RIOK3: variants seen among roughly 807,000 people sequenced by gnomAD.
The protein encoded by RIOK3 is serine/threonine-protein kinase RIO3.
RIOK3 carries 40 observed loss-of-function variants against 63.5 expected under a neutral mutation model. The ratio of observed to expected loss-of-function variants is 0.63; its 90% CI spans 0.49 to 0.82. RIOK3 has a LOEUF of 0.82. Among genes scored for constraint, RIOK3 ranks in the 40% least tolerant of loss-of-function variants. RIOK3 has a pLI of 0.00. For missense variants in RIOK3, 557 were observed against 637.0 expected, an observed-to-expected ratio of 0.87 and a Z score of 1.35; for synonymous variants, 193 against 205.0, an observed-to-expected ratio of 0.94 and a Z score of 0.50.
At position 23,466,152 on chromosome 18, in the gene RIOK3, T is replaced by C. The variant is rs2057405563; in HGVS notation, c.563T>C (p.Val188Ala). Reference protein sequence around the residue: ...RMENFAPEFQVGDGIGMDLKL... With the variant: ...RMENFAPEFQAGDGIGMDLKL... ...TGGCAGTTTGCACCTGAGTTTCAGGTAGGAGATGGAATTGGAATGGATTTA... is the reference window on the plus strand; with the variant it reads ...TGGCAGTTTGCACCTGAGTTTCAGGCAGGAGATGGAATTGGAATGGATTTA... The change falls in exon 6 of 13, where the codon GTA becomes GCA. Residue 188 changes from valine (V) to alanine (A), a missense_variant. Around this residue, in one of 3 missense-constraint regions of RIOK3, gnomAD observed 243 missense variants for 275.4 expected, o/e 0.88. Coordinates refer to ENST00000339486, the MANE Select transcript of RIOK3 (RefSeq NM_003831.5). The C allele has an allele frequency of 1.3e-6, 2 of 1,599,164 alleles. No individual in the cohort carries two copies. Among genetic ancestry groups the C allele is most frequent in the Non-Finnish European group, 1.7e-6 (2 of 1,174,710 alleles).
Position 23,464,531 on chromosome 18 carries a change from C to T in RIOK3, c.446C>T (p.Pro149Leu). Residue 149 changes from proline to leucine, a missense_variant, in exon 5 of 13, where the codon CCC becomes CTC. Around this residue, in one of 3 missense-constraint regions of RIOK3, gnomAD observed 243 missense variants for 275.4 expected, o/e 0.88. Coordinates refer to ENST00000339486, the MANE Select transcript of RIOK3 (RefSeq NM_003831.5). ...DDPYRPAKPV[P>L]TPKKGFIGKG... The stretch of plus-strand genomic sequence containing the variant: ...CAATTGCCTTTAGCAAAACCGGTTC[C>T]CACTCCTAAAAAGGGCTTTATTGGA... 1 of 1,600,346 alleles carries T rather than the reference C, an allele frequency of 6.2e-7. No homozygotes were observed. The highest frequency in any genetic ancestry group is 8.5e-7 in the Non-Finnish European group (1 of 1,175,396).
intron 1 of RIOK3, among the ~76,000 whole-genome samples, chr18:23,459,702 G>A (rs1043613197): frequency 2.0e-5 from 3 of 152,106 alleles, no homozygotes; most frequent in African/African-American, 7.2e-5. Context: ...AGACAGTCTC[G>A]CTCTGTCACC....
intron 1 of RIOK3, among the ~76,000 whole-genome samples, chr18:23,455,243 C>G (rs563608184): frequency 1.3e-5 from 2 of 151,360 alleles, no homozygotes; most frequent in South Asian, 4.2e-4. Context: ...AGCTGATTTT[C>G]GTATTTTTTT....
chr18:23,475,776 G>C (rs1346728324), intron 9 of RIOK3, among the ~76,000 whole-genome samples: 2 of 152,118 alleles, frequency 1.3e-5, no homozygotes, highest in Admixed American at 6.6e-5. Flanking sequence ...AATAGTTTTA[G>C]AAAACTTACA....
chr18:23,476,932 A>C, intron 9 of RIOK3, 74 bp from the exon 10 acceptor site: 5 of 1,291,322 alleles, frequency 3.9e-6, no homozygotes, highest in Non-Finnish European at 5.5e-6. Flanking sequence ...AAAAATAAAA[A>C]ACTTTCAGGG....
In RIOK3 at chr18:23,477,287, A is replaced by G. The variant is rs750788412; in HGVS notation, c.1344+19A>G. On this transcript the variant is annotated intron_variant, in intron 11 of 12. Coordinates refer to ENST00000339486, the MANE Select transcript of RIOK3 (RefSeq NM_003831.5). ...CTCGCAGGTAGACGTGTAAACCAAT[A>G]TGCCTTTTTTTGTTGGATGTAACAG... 3.1e-6 allele frequency: 5 copies of G among 1,594,766 alleles called. No individual in the cohort carries two copies. The East Asian group carries it at 1.1e-4, about 36-fold the overall frequency.
intron 1 of RIOK3, among the ~76,000 whole-genome samples, chr18:23,462,377 G>T (rs2057377836): frequency 6.6e-6 from 1 of 152,128 alleles, no homozygotes; most frequent in African/African-American, 2.4e-5. Flanking sequence ...CTGACCTCAG[G>T]TTATCCACCC....
rs1055391912 is a variant in RIOK3, at chr18:23,477,295, T to C, written c.1344+27T>C. 32 of 1,542,788 alleles carry C rather than the reference T, an allele frequency of 2.1e-5. No homozygotes were observed. In the Admixed American group the frequency reaches 4.7e-4, roughly 23 times the overall value. On this transcript the variant is annotated intron_variant, in intron 11 of 12. Coordinates refer to ENST00000339486, the MANE Select transcript of RIOK3 (RefSeq NM_003831.5). ...TAGACGTGTAAACCAATATGCCTTT[T>C]TTTGTTGGATGTAACAGCTGCAGGT...
Position 23,467,511 on chromosome 18 carries a change from A to C in RIOK3, c.800A>C (p.His267Pro), listed in dbSNP as rs1393066392. ...ISTGKESVVF[H>P]AYGGSMEDEK... ...ACAGGAAAGGAGTCTGTTGTCTTTC[A>C]TGCATATGGAGGGAGGTAAATGAGC... Residue 267 changes from histidine (H) to proline (P), a missense_variant, in exon 7 of 13, where the codon CAT becomes CCT. This residue lies in a region of RIOK3 where 309 missense variants were observed against 338.7 expected (regional missense o/e 0.91). Transcript: ENST00000339486. 1 of 1,613,162 alleles carries C rather than the reference A, an allele frequency of 6.2e-7. No individual in the cohort carries two copies. The highest frequency in any genetic ancestry group is 1.1e-5 in the South Asian group (1 of 91,014).
At chr18:23,461,874 G>A (rs2057373620) in intron 1 of RIOK3, among the ~76,000 whole-genome samples, 1 of 151,968 alleles carries the variant, frequency 6.6e-6, no homozygotes, top group Admixed American at 6.6e-5. Context: ...TAGATCACCT[G>A]AGGTTAGGAG....
chr18:23,465,306 G>T (rs1421885037), intron 5 of RIOK3, among the ~76,000 whole-genome samples: 1 of 152,118 alleles, frequency 6.6e-6, no homozygotes, highest in Non-Finnish European at 1.5e-5. Context: ...GGGAGGCAGA[G>T]GTTGTAGTGA....
intron 1 of RIOK3, among the ~76,000 whole-genome samples, chr18:23,455,752 G>A (rs1315540418): frequency 6.6e-6 from 1 of 151,456 alleles, no homozygotes; most frequent in African/African-American, 2.4e-5. Context: ...CTCCCACCTC[G>A]GCCTCCTGAT....
intron 6 of RIOK3, among the ~76,000 whole-genome samples, chr18:23,466,860 GGC>G (rs533470094): frequency 5.5e-4 from 84 of 151,548 alleles, no homozygotes; most frequent in African/African-American, 2.0e-3. Flanking sequence ...AAATTAGCCG[GGC>G]ATGTTGGTGT....
chr18:23,471,713 G>C lies in RIOK3; in HGVS notation c.816-1716G>C, dbSNP rs1183975218. 3.3e-5 allele frequency among the ~76,000 whole-genome samples: 5 copies of C among 152,160 alleles called. No individual in the cohort carries two copies. The East Asian group carries it at 9.6e-4, about 29-fold the overall frequency. ...GAAGGTAGAGAGAACAGCACACGCT[G>C]TTGGATTGGAAGTGGGTGTAGGAGG... On this transcript the variant is annotated intron_variant, in intron 7 of 12. Coordinates refer to ENST00000339486, the MANE Select transcript of RIOK3 (RefSeq NM_003831.5).
At chr18:23,454,047 T>G (rs556561639) in intron 1 of RIOK3, among the ~76,000 whole-genome samples, 89 of 152,340 alleles carry the variant, frequency 5.8e-4, no homozygotes, top group African/African-American at 2.0e-3. Flanking sequence ...ATGAATTTCA[T>G]TATCTGCCTA....
At chr18:23,468,101 G>A (rs145942490) in intron 7 of RIOK3, among the ~76,000 whole-genome samples, 7 of 151,976 alleles carry the variant, frequency 4.6e-5, no homozygotes, top group Admixed American at 4.6e-4. Flanking sequence ...TCAGTGTTTA[G>A]TATTATCAAA....
intron 1 of RIOK3, 79 bp downstream of exon 1, chr18:23,453,581 C>G: frequency 7.9e-7 from 1 of 1,266,894 alleles, no homozygotes; most frequent in Non-Finnish European, 1.2e-6. Flanking sequence ...AGGGCGGCTT[C>G]GTGGGCGATT....
chr18:23,471,045 TC>T (rs2057453047), intron 7 of RIOK3, among the ~76,000 whole-genome samples: 1 of 152,220 alleles, frequency 6.6e-6, no homozygotes, highest in African/African-American at 2.4e-5. Flanking sequence ...CAGGTACTCT[TC>T]CAGGTACTAG....
rs2057543472 is a variant in RIOK3, at chr18:23,482,686, T to C, written c.*1407T>C. Reference sequence around the variant, plus strand: ...TTAAAGTTCATTAACTTCAATGTAATCATGCCTCCTATTACTGAAGTCAGA... The same window carrying C: ...TTAAAGTTCATTAACTTCAATGTAACCATGCCTCCTATTACTGAAGTCAGA... On this transcript the variant is annotated 3_prime_UTR_variant, in exon 13 of 13. Coordinates refer to ENST00000339486, the MANE Select transcript of RIOK3 (RefSeq NM_003831.5). The C allele has an allele frequency of 6.6e-6, 1 of 152,338 alleles. No homozygotes were observed. Among genetic ancestry groups the C allele is most frequent in the African/African-American group, 2.4e-5 (1 of 41,586 alleles). 9.4% of individuals were successfully genotyped at this position (152,338 alleles called of 1,614,324 possible). A position where few individuals can be genotyped will look rare whatever the true frequency, so the allele number is the denominator to read the frequency against.
Sources: allele counts gnomAD v4.1 joint callset (sites outside exome capture counted in the v4.1 genomes callset), GRCh38; gene constraint gnomAD v4.1.1; regional missense constraint gnomAD v4.1.1; transcripts MANE v1.5; gene names NCBI Gene and HGNC (gene_info 2026-07-23, HGNC 2026-07-21).